MTUS2: variants seen among roughly 807,000 people sequenced by gnomAD.
MTUS2 encodes microtubule associated scaffold protein 2, also known as microtubule-associated tumor suppressor candidate 2.
MTUS2 carries 40 observed loss-of-function variants against 114.1 expected under a neutral mutation model. The observed-to-expected ratio is 0.35, with a 90% CI of 0.27 to 0.46. The LOEUF (loss-of-function observed/expected upper bound fraction) is 0.46. Ranked by LOEUF, MTUS2 falls within the 20% of genes least tolerant of loss-of-function variation. The pLI is 1.00. For synonymous variants in MTUS2, 688 were observed against 672.0 expected (o/e 1.02, Z -0.37); for missense variants, 1,679 against 1,705.4 (o/e 0.98, Z 0.27).
chr13:29,290,748 T>C (rs1417957239), intron 6 of MTUS2, among the ~76,000 whole-genome samples: 1 of 152,188 alleles, frequency 6.6e-6, no homozygotes, highest in Non-Finnish European at 1.5e-5. Context: ...TTCAGGGCTC[T>C]TCCCCTTGTA....
chr13:29,183,380 A>C (rs1372592725), intron 5 of MTUS2, among the ~76,000 whole-genome samples: 1 of 152,022 alleles, frequency 6.6e-6, no homozygotes, highest in African/African-American at 2.4e-5. Flanking sequence ...AGGTTAGGAG[A>C]TTCATTTGGG....
chr13:28,943,606 C>A (rs1487515089), intron 2 of MTUS2, among the ~76,000 whole-genome samples: 1 of 152,110 alleles, frequency 6.6e-6, no homozygotes, highest in Non-Finnish European at 1.5e-5. Flanking sequence ...TTGCAGGGTC[C>A]TGGTAGAGAG....
At chr13:29,143,576 T>C (rs1892313574) in intron 5 of MTUS2, among the ~76,000 whole-genome samples, 1 of 152,198 alleles carries the variant, frequency 6.6e-6, no homozygotes, top group Non-Finnish European at 1.5e-5. Context: ...GAAATCAAGT[T>C]CTCATTTAGA....
At chr13:29,048,571 C>T (rs142428054) in intron 4 of MTUS2, among the ~76,000 whole-genome samples, 2,749 of 152,324 alleles carry the variant, frequency 0.018, 25 homozygotes, top group Non-Finnish European at 0.029. Context: ...CTGGCTCAAA[C>T]GATCCTCCCA....
Position 28,972,641 on chromosome 13 carries a change from G to A in MTUS2, c.-242-51816G>A, listed in dbSNP as rs553661792. ...ACCTAAATACTAATGTCGCAGCCCC[G>A]AGTTCTGAGAGCTGCAGGGTGTTTG... On this transcript the variant is annotated intron_variant, in intron 2 of 15. Coordinates refer to ENST00000612955, the MANE Select transcript of MTUS2 (RefSeq NM_001033602.4). 4.6e-5 allele frequency among the ~76,000 whole-genome samples: 7 copies of A among 152,220 alleles called. No homozygotes were observed. The East Asian group carries it at 9.6e-4, about 21-fold the overall frequency.
rs771485636 is a variant in MTUS2 at position 29,492,646 on chromosome 13, A to G, written c.3506A>G (p.Glu1169Gly). 1.9e-6 allele frequency: 3 copies of G among 1,612,430 alleles called. No homozygotes were observed. Among genetic ancestry groups the G allele is most frequent in the Non-Finnish European group, 2.5e-6 (3 of 1,178,698 alleles). ...LQDDHDHKVQ[E>G]LMSTHELEKK... Reference sequence around the variant, plus strand: ...TGACAATTTAATGTCTTCTTTCCAGAATTGATGTCCACTCATGAGCTTGAA... The same window carrying G: ...TGACAATTTAATGTCTTCTTTCCAGGATTGATGTCCACTCATGAGCTTGAA... The change falls in exon 12 of 16, where the codon GAA becomes GGA. Residue 1169 changes from glutamate to glycine, a missense_variant and splice_region_variant. Transcript: ENST00000612955.
chr13:29,426,279 C>G (rs886369475), intron 8 of MTUS2, among the ~76,000 whole-genome samples: 1 of 152,232 alleles, frequency 6.6e-6, no homozygotes, highest in Non-Finnish European at 1.5e-5. Flanking sequence ...TACACATGAT[C>G]CTCAACTTAC....
At chr13:29,183,915 C>A (rs989993819) in intron 5 of MTUS2, among the ~76,000 whole-genome samples, 2 of 152,236 alleles carry the variant, frequency 1.3e-5, no homozygotes, top group East Asian at 1.9e-4. Context: ...TTTTACTACT[C>A]TTTCTTCCCC....
chr13:28,924,946 G>A (rs1051591874), intron 2 of MTUS2, among the ~76,000 whole-genome samples: 2 of 151,764 alleles, frequency 1.3e-5, no homozygotes, highest in African/African-American at 4.8e-5. Context: ...AGATAAACCA[G>A]CATCAAATTC....
intron 2 of MTUS2, among the ~76,000 whole-genome samples, chr13:28,883,194 T>A (rs1167794298): frequency 6.6e-6 from 1 of 152,218 alleles, no homozygotes; most frequent in Non-Finnish European, 1.5e-5. Flanking sequence ...ACTGATGTAT[T>A]TCTGGAGTAA....
At chr13:28,961,916 T>C (rs562791425) in intron 2 of MTUS2, among the ~76,000 whole-genome samples, 44 of 152,272 alleles carry the variant, frequency 2.9e-4, no homozygotes, top group African/African-American at 9.4e-4. Context: ...AACACTCCCA[T>C]GTCCATCATT....
At chr13:29,107,484 T>C (rs1308257373) in intron 5 of MTUS2, among the ~76,000 whole-genome samples, 1 of 152,242 alleles carries the variant, frequency 6.6e-6, no homozygotes, top group Non-Finnish European at 1.5e-5. Context: ...TGGATTTTCA[T>C]AGTTGATGAA....
intron 5 of MTUS2, among the ~76,000 whole-genome samples, chr13:29,272,712 T>A (rs1037845907): frequency 2.6e-5 from 4 of 152,244 alleles, no homozygotes; most frequent in African/African-American, 4.8e-5. Flanking sequence ...CCAAAAATTT[T>A]ACAAGAGAGT....
chr13:28,959,847 AC>A (rs1364885641), intron 2 of MTUS2, among the ~76,000 whole-genome samples: 1 of 152,092 alleles, frequency 6.6e-6, no homozygotes, highest in Non-Finnish European at 1.5e-5. Context: ...AAACGTCCAA[AC>A]CGTATCACAC....
chr13:29,054,759 T>C (rs7326464), intron 4 of MTUS2, among the ~76,000 whole-genome samples: 87,380 of 151,856 alleles, frequency 0.58, 25,613 homozygotes, highest in South Asian at 0.74. Context: ...AGGTACACCT[T>C]ATGGATCTAG....
intron 5 of MTUS2, among the ~76,000 whole-genome samples, chr13:29,254,115 A>T (rs533972685): frequency 4.6e-5 from 7 of 152,324 alleles, no homozygotes; most frequent in Admixed American, 4.6e-4. Flanking sequence ...AAGTGACACA[A>T]GATAGGGAAG....
At chr13:28,839,981 G>T (rs1875360021) in intron 2 of MTUS2, 131 bp downstream of exon 2, 2 of 148,722 alleles carry the variant, frequency 1.3e-5, no homozygotes, top group African/African-American at 2.5e-5. Flanking sequence ...TTTTTAAAGT[G>T]ATATTATTAA....
chr13:29,100,221 T>C (rs1413671776), intron 4 of MTUS2, among the ~76,000 whole-genome samples: 1 of 152,210 alleles, frequency 6.6e-6, no homozygotes, highest in Non-Finnish European at 1.5e-5. Context: ...AGAGCTGATA[T>C]TCCAGCCTGG....
chr13:29,049,109 A>G (rs1887769776), intron 4 of MTUS2, among the ~76,000 whole-genome samples: 1 of 152,224 alleles, frequency 6.6e-6, no homozygotes, highest in Non-Finnish European at 1.5e-5. Flanking sequence ...ACTATTCAGA[A>G]TGGTGCCATT....
Sources: gnomAD v4.1 joint callset for allele counts (sites outside exome capture counted in the v4.1 genomes callset) on GRCh38, gnomAD v4.1.1 for gene constraint, MANE v1.5 for transcripts, NCBI Gene and HGNC (gene_info 2026-07-23, HGNC 2026-07-21) for gene names.